The following PCGF6 variants were observed in gnomAD, a reference collection of about 807,000 sequenced individuals.
The protein encoded by PCGF6 is polycomb group RING finger protein 6.
PCGF6 carries 24 observed loss-of-function variants against 45.5 expected under a neutral mutation model. That is an observed-to-expected ratio of 0.53 (90% CI 0.38 to 0.74). The LOEUF is 0.74. Ranked by LOEUF, PCGF6 falls within the 30% of genes least tolerant of loss-of-function variation. The pLI, the probability that PCGF6 is intolerant of heterozygous loss-of-function variation, is 0.00. For synonymous variants in PCGF6, 152 were observed against 162.1 expected, an observed-to-expected ratio of 0.94 and a Z score of 0.47; for missense variants, 356 against 443.2, an observed-to-expected ratio of 0.80 and a Z score of 1.77.
rs757473906 is a variant in PCGF6, at chr10:103,350,896, G to A, written c.171C>T (p.Ser57=). 1.3e-6 allele frequency: 2 copies of A among 1,525,952 alleles called. No individual in the cohort carries two copies. Among genetic ancestry groups the A allele is most frequent in the South Asian group, 1.2e-5 (1 of 82,178 alleles). The allele number at this position is 1,525,952 out of a possible 1,614,324, so 94.5% of individuals were successfully genotyped here. Residue 57 remains serine, a synonymous_variant, in exon 1 of 10, where the codon TCC becomes TCT. Coordinates refer to ENST00000369847, the MANE Select transcript of PCGF6 (RefSeq NM_001011663.2). ...PLSETGAPGC[S]GSRPPELEPE... is the part of the protein sequence containing the mutation. The stretch of plus-strand genomic sequence containing the variant: ...GCTCCAGCTCAGGGGGCCGGGAGCC[G>A]GAGCAGCCGGGAGCCCCCGTCTCAG...
rs1350987841 is a variant in PCGF6, at chr10:103,345,040, A to G, written c.766T>C (p.Leu256=). The G allele has an allele frequency of 6.2e-7, 1 of 1,605,128 alleles. No homozygotes were observed. Among genetic ancestry groups the G allele is most frequent in the Admixed American group, 1.7e-5 (1 of 59,450 alleles). ...RIPPELDMSL[L]LEFIGANEGT... is the part of the protein sequence containing the mutation. ...GGTACTCACCCAATGAACTCCAGTA[A>G]TAAAGACATATCAAGTTCAGGTGGA... The change falls in exon 6 of 10, where the codon TTA becomes CTA. Residue 256 remains leucine, a synonymous_variant. Coordinates refer to ENST00000369847, the MANE Select transcript of PCGF6 (RefSeq NM_001011663.2).
At chr10:103,346,098 A>C (rs1436941255) in intron 5 of PCGF6, among the ~76,000 whole-genome samples, 1 of 150,678 alleles carries the variant, frequency 6.6e-6, no homozygotes, top group Non-Finnish European at 1.5e-5. Context: ...CAGGAGGCCA[A>C]GGCAGGAGAA....
Position 103,350,803 on chromosome 10 carries a change from CTCT to C in PCGF6, c.261_263del (p.Glu89del), listed in dbSNP as rs755820249. 75 of 1,555,712 alleles carry C rather than the reference CTCT, an allele frequency of 4.8e-5. No individual in the cohort carries two copies. Among genetic ancestry groups the C allele is most frequent in the Middle Eastern group, 1.7e-4 (1 of 5,848 alleles). ...CCTCCTCTTCTTCCTCCTCCAGCTC[CTCT>C]TCTTCTTCCAACTCCTCGTCCTCGT... On this transcript the variant is annotated inframe_deletion, in exon 1 of 10. Transcript: ENST00000369847.
intron 9 of PCGF6, among the ~76,000 whole-genome samples, chr10:103,309,308 T>C (rs975020121): frequency 2.0e-5 from 3 of 152,142 alleles, no homozygotes; most frequent in Non-Finnish European, 2.9e-5. Context: ...TGGGAGGTGA[T>C]TGGATCACGG....
chr10:103,345,906 A>G (rs993675943), intron 5 of PCGF6, among the ~76,000 whole-genome samples: 1 of 150,500 alleles, frequency 6.6e-6, no homozygotes, highest in African/African-American at 2.4e-5. Context: ...AGGAACCAGG[A>G]TTTAGGCCAA....
chr10:103,318,107 G>T (rs1399975148), intron 8 of PCGF6, among the ~76,000 whole-genome samples: 2 of 151,324 alleles, frequency 1.3e-5, no homozygotes, highest in African/African-American at 4.9e-5. Context: ...AGAACACTAT[G>T]TGTGCATGTG....
chr10:103,335,002 G>A (rs1340988989), intron 6 of PCGF6, among the ~76,000 whole-genome samples: 1 of 152,098 alleles, frequency 6.6e-6, no homozygotes, highest in African/African-American at 2.4e-5. Flanking sequence ...TCTTCCTTAT[G>A]TTGTGAAGAT....
intron 9 of PCGF6, among the ~76,000 whole-genome samples, chr10:103,304,336 A>G (rs2093129957): frequency 1.3e-5 from 2 of 151,056 alleles, no homozygotes; most frequent in Non-Finnish European, 2.9e-5. Flanking sequence ...GCATGTATGT[A>G]TGTATACATT....
chr10:103,336,845 A>G (rs188271050), intron 6 of PCGF6, among the ~76,000 whole-genome samples: 1 of 152,198 alleles, frequency 6.6e-6, no homozygotes, highest in Non-Finnish European at 1.5e-5. Flanking sequence ...ACTGCACTCC[A>G]GCCTGGGTGA....
At chr10:103,309,301 G>C (rs2093148453) in intron 9 of PCGF6, among the ~76,000 whole-genome samples, 1 of 152,166 alleles carries the variant, frequency 6.6e-6, no homozygotes, top group Admixed American at 6.6e-5. Context: ...GGCCTGGTGG[G>C]AGGTGATTGG....
intron 6 of PCGF6, among the ~76,000 whole-genome samples, chr10:103,343,752 G>A (rs978558823): frequency 2.0e-5 from 3 of 148,800 alleles, no homozygotes; most frequent in Non-Finnish European, 3.0e-5. Context: ...AGAATCCCCT[G>A]AACCTGGGAG....
intron 3 of PCGF6, among the ~76,000 whole-genome samples, chr10:103,348,051 G>A (rs967234157): frequency 2.0e-5 from 3 of 152,154 alleles, no homozygotes; most frequent in Admixed American, 6.6e-5. Flanking sequence ...TGAATAATAA[G>A]CCACAATGAG....
intron 8 of PCGF6, among the ~76,000 whole-genome samples, chr10:103,321,285 G>A (rs1057438394): frequency 2.0e-5 from 3 of 152,128 alleles, no homozygotes; most frequent in Admixed American, 6.6e-5. Flanking sequence ...TTACAGGTAT[G>A]AGCCTTTATA....
At chr10:103,334,499 C>T (rs2093249928) in intron 6 of PCGF6, among the ~76,000 whole-genome samples, 1 of 152,146 alleles carries the variant, frequency 6.6e-6, no homozygotes, top group Non-Finnish European at 1.5e-5. Flanking sequence ...CCTCACCCCA[C>T]ATTTAGCATC....
At position 103,314,279 on chromosome 10, in the gene PCGF6, A is replaced by C. The variant is rs778609828; in HGVS notation, c.910-7T>G. ...CACCACAGATTATATCTACCTATGG[A>C]CATGAAGAGAGTATTAGATTGATTT... On this transcript the variant is annotated splice_polypyrimidine_tract_variant and splice_region_variant and intron_variant, in intron 8 of 9. Transcript: ENST00000369847. 6.6e-7 allele frequency: 1 copy of C among 1,519,204 alleles called. No individual in the cohort carries two copies. Among genetic ancestry groups the C allele is most frequent in the South Asian group, 1.2e-5 (1 of 85,830 alleles). The allele number at this position is 1,519,204 out of a possible 1,614,324, so 94.1% of individuals were successfully genotyped here. A position where few individuals can be genotyped will look rare whatever the true frequency, so the allele number is the denominator to read the frequency against.
At chr10:103,336,686 C>T (rs2133586620) in intron 6 of PCGF6, among the ~76,000 whole-genome samples, 1 of 152,174 alleles carries the variant, frequency 6.6e-6, no homozygotes, top group South Asian at 2.1e-4. Context: ...ACTTGCCTGG[C>T]CAACATGGTA....
chr10:103,327,991 A>T (rs1026399220), intron 7 of PCGF6, among the ~76,000 whole-genome samples: 4 of 151,964 alleles, frequency 2.6e-5, no homozygotes, highest in Non-Finnish European at 4.4e-5. Context: ...TTCTTTTTTA[A>T]GTGAAAAATA....
At chr10:103,325,249 TTTTG>T (rs1198785158) in intron 8 of PCGF6, among the ~76,000 whole-genome samples, 5 of 152,142 alleles carry the variant, frequency 3.3e-5, no homozygotes, top group Admixed American at 2.6e-4. Flanking sequence ...TTGCTTGTTT[TTTTG>T]TTTGTTTTGT....
At chr10:103,325,092 G>T (rs1437572282) in intron 8 of PCGF6, among the ~76,000 whole-genome samples, 11 of 147,620 alleles carry the variant, frequency 7.5e-5, no homozygotes, top group African/African-American at 2.5e-4. Flanking sequence ...CCGAGATCAC[G>T]CCATTGCACT....
Sources: allele counts gnomAD v4.1 joint callset (sites outside exome capture counted in the v4.1 genomes callset), GRCh38; gene constraint gnomAD v4.1.1; transcripts MANE v1.5; gene names NCBI Gene and HGNC (gene_info 2026-07-23, HGNC 2026-07-21).